The following PBX3 variants were observed in gnomAD, a reference collection of about 807,000 sequenced individuals.
PBX3 encodes pre-B-cell leukemia transcription factor 3.
PBX3 carries 14 observed loss-of-function variants against 48.5 expected under a neutral mutation model. That is an observed-to-expected ratio of 0.29 (90% CI 0.19 to 0.45). The LOEUF (loss-of-function observed/expected upper bound fraction) is 0.45, where lower values mean the gene tolerates loss of function less well. PBX3 is among the 20% of genes least tolerant of loss of function. The probability of loss-of-function intolerance (pLI) is 1.00; values close to 1 mark genes in which losing one functional copy is unlikely to be tolerated. For synonymous variants in PBX3, 210 were observed against 200.3 expected, an observed-to-expected ratio of 1.05 and a Z score of -0.41; for missense variants, 386 against 546.7, an observed-to-expected ratio of 0.71 and a Z score of 2.93.
intron 2 of PBX3, among the ~76,000 whole-genome samples, chr9:125,799,389 C>G (rs1837874446): frequency 6.6e-6 from 1 of 152,054 alleles, no homozygotes; most frequent in Non-Finnish European, 1.5e-5. Context: ...CGCTGTAGTC[C>G]CAGCTACTCC....
chr9:125,825,264 A>G (rs1838774487), intron 2 of PBX3, among the ~76,000 whole-genome samples: 1 of 152,180 alleles, frequency 6.6e-6, no homozygotes, highest in African/African-American at 2.4e-5. Context: ...AGACTGGGCA[A>G]CAAAGTGAGA....
chr9:125,868,992 A>G (rs773498083), intron 2 of PBX3, among the ~76,000 whole-genome samples: 7 of 152,210 alleles, frequency 4.6e-5, no homozygotes, highest in Non-Finnish European at 7.3e-5. Flanking sequence ...CACCATGACT[A>G]TGAGATAGCA....
At chr9:125,782,321 C>G (rs757722305) in intron 2 of PBX3, among the ~76,000 whole-genome samples, 7 of 152,234 alleles carry the variant, frequency 4.6e-5, no homozygotes, top group Middle Eastern at 3.4e-3. Flanking sequence ...GACCTGCCCC[C>G]CATGATTCAA....
intron 2 of PBX3, among the ~76,000 whole-genome samples, chr9:125,773,811 T>A (rs1021364489): frequency 1.3e-5 from 2 of 152,208 alleles, no homozygotes; most frequent in Non-Finnish European, 2.9e-5. Context: ...CAGCAGTGTA[T>A]ATTTGTTCTA....
At chr9:125,879,033 C>G (rs1840319001) in intron 2 of PBX3, among the ~76,000 whole-genome samples, 1 of 149,032 alleles carries the variant, frequency 6.7e-6, no homozygotes, top group African/African-American at 2.5e-5. Context: ...GCACTGCTGT[C>G]AAAACTTTTC....
intron 2 of PBX3, among the ~76,000 whole-genome samples, chr9:125,764,204 A>G (rs1233800162): frequency 6.6e-6 from 1 of 152,130 alleles, no homozygotes; most frequent in African/African-American, 2.4e-5. Context: ...TGAATGTTTG[A>G]TGTAAATATA....
At position 125,962,128 on chromosome 9, in the gene PBX3, A is replaced by T; in HGVS notation, c.1036A>T (p.Asn346Tyr). ...SGSSGSFNLP[N>Y]SGDMFMNMQS... ...TTCTTCTGGTTCTTTTAACCTCCCA[A>T]ATTCTGGGGACATGTTCATGAACAT... The change falls in exon 7 of 9, where the codon AAT becomes TAT. Residue 346 changes from asparagine (N) to tyrosine (Y), a missense_variant. Physicochemically the swap from Asn to Tyr is moderately radical, Grantham distance 143 (BLOSUM62 -2). Transcript: ENST00000373489. The T allele has an allele frequency of 6.2e-7, 1 of 1,611,168 alleles. No homozygotes were observed. Among genetic ancestry groups the T allele is most frequent in the South Asian group, 1.1e-5 (1 of 90,926 alleles).
At chr9:125,955,575 T>C (rs557764540) in intron 5 of PBX3, among the ~76,000 whole-genome samples, 15 of 152,346 alleles carry the variant, frequency 9.8e-5, no homozygotes, top group Admixed American at 8.5e-4. Flanking sequence ...TTTTGGCTTA[T>C]TTGTGGCCAC....
chr9:125,949,855 C>T (rs547430703), intron 5 of PBX3, among the ~76,000 whole-genome samples: 1 of 152,216 alleles, frequency 6.6e-6, no homozygotes, highest in African/African-American at 2.4e-5. Context: ...AAGTCTGGCC[C>T]ATCATTATTT....
At chr9:125,854,194 T>C (rs965827871) in intron 2 of PBX3, among the ~76,000 whole-genome samples, 24 of 152,054 alleles carry the variant, frequency 1.6e-4, no homozygotes, top group Admixed American at 1.6e-3. Flanking sequence ...TGCAGTGGTG[T>C]CATCTTGGCT....
rs1189032953 is a variant in PBX3, at chr9:125,941,462, G to A, written c.843+5855G>A. ...CTGACATTAGACCCTGGGAGGCAAG[G>A]GAAAGCAGAGCTATCAGTTGGGGTA... On this transcript the variant is annotated intron_variant, in intron 5 of 8. Transcript: ENST00000373489. Among the ~76,000 whole-genome samples, 107 of 152,142 alleles carry A rather than the reference G, an allele frequency of 7.0e-4. 1 individual carries two copies. The highest frequency in any genetic ancestry group is 2.5e-4 in the Non-Finnish European group (17 of 68,032).
At chr9:125,779,659 C>T (rs1211130852) in intron 2 of PBX3, among the ~76,000 whole-genome samples, 2 of 134,022 alleles carry the variant, frequency 1.5e-5, no homozygotes, top group Admixed American at 1.6e-4. Context: ...ATGTCTACTT[C>T]TTTCTACACA....
intron 5 of PBX3, among the ~76,000 whole-genome samples, chr9:125,953,257 A>G (rs1842230022): frequency 1.3e-5 from 2 of 152,266 alleles, no homozygotes; most frequent in Admixed American, 6.5e-5. Context: ...TAGGTGGATC[A>G]CTTCAGCTCA....
chr9:125,924,677 A>T (rs1841532329), intron 3 of PBX3, among the ~76,000 whole-genome samples: 1 of 152,258 alleles, frequency 6.6e-6, no homozygotes, highest in Non-Finnish European at 1.5e-5. Context: ...AAATTTTGAC[A>T]CATTTCATTA....
chr9:125,966,116 T>TC lies in PBX3; in HGVS notation c.*193_*194insC, dbSNP rs1554736964. On this transcript the variant is annotated 3_prime_UTR_variant, in exon 9 of 9. Transcript: ENST00000373489. ...ATTTATACTTAAAAACACACAATGTTAAAAAAAATAAAGCACTTTATCCAA... is the reference window on the plus strand; with the variant it reads ...ATTTATACTTAAAAACACACAATGTTCAAAAAAAATAAAGCACTTTATCCAA... The TC allele has an allele frequency of 8.0e-5, 31 of 388,588 alleles. No homozygotes were observed. The East Asian group carries it at 1.3e-3, about 16-fold the overall frequency. 24.1% of individuals were successfully genotyped at this position (388,588 alleles called of 1,614,324 possible).
chr9:125,747,924 C>T (rs1163699352), intron 1 of PBX3, among the ~76,000 whole-genome samples: 1 of 151,832 alleles, frequency 6.6e-6, no homozygotes, highest in East Asian at 1.9e-4. Flanking sequence ...CCTCGCAGCC[C>T]GGCCCCCTCC....
rs1564651715 is a variant in PBX3, at chr9:125,781,586, CG to C, written c.274+32964del. On this transcript the variant is annotated intron_variant, in intron 2 of 8. Coordinates refer to ENST00000373489, the MANE Select transcript of PBX3 (RefSeq NM_006195.6). The stretch of plus-strand genomic sequence containing the variant: ...GAGGCGAGAGGGGAGAGGGGAGAGG[CG>C]AGAGGCGAGAGGGAGAGGCAGAGGC... Among the ~76,000 whole-genome samples, 215 of 146,310 alleles carry C rather than the reference CG, an allele frequency of 1.5e-3. 3 individuals carry two copies. Among genetic ancestry groups the C allele is most frequent in the East Asian group, 9.4e-3 (44 of 4,670 alleles).
At position 125,953,321 on chromosome 9, in the gene PBX3, A is replaced by T. The variant is rs954968319; in HGVS notation, c.844-7363A>T. 2.6e-5 allele frequency among the ~76,000 whole-genome samples: 4 copies of T among 152,100 alleles called. No homozygotes were observed. In the South Asian group the frequency reaches 8.3e-4, roughly 32 times the overall value. ...GCAAAACCCTGTTTCTACAAAATACATAAAAATTAGCCGGCCGTAGTGATG... is the reference window on the plus strand; with the variant it reads ...GCAAAACCCTGTTTCTACAAAATACTTAAAAATTAGCCGGCCGTAGTGATG... On this transcript the variant is annotated intron_variant, in intron 5 of 8. Transcript: ENST00000373489.
At chr9:125,956,240 C>T (rs965992892) in intron 5 of PBX3, among the ~76,000 whole-genome samples, 1 of 152,198 alleles carries the variant, frequency 6.6e-6, no homozygotes, top group Non-Finnish European at 1.5e-5. Context: ...CAAAGTCACT[C>T]AGCTTAGTAA....
Sources: allele counts gnomAD v4.1 joint callset (sites outside exome capture counted in the v4.1 genomes callset), GRCh38; gene constraint gnomAD v4.1.1; transcripts MANE v1.5; gene names NCBI Gene and HGNC (gene_info 2026-07-23, HGNC 2026-07-21).